Variants in SYTL2 observed in about 807,000 individuals in gnomAD.
The protein encoded by SYTL2 is synaptotagmin-like protein 2.
SYTL2 carries 165 observed loss-of-function variants against 198.7 expected under a neutral mutation model. The observed-to-expected ratio is 0.83, with a 90% confidence interval of 0.73 to 0.94. The LOEUF (loss-of-function observed/expected upper bound fraction) is 0.94. Ranked by LOEUF, SYTL2 falls within the 40% of genes least tolerant of loss-of-function variation. SYTL2 has a pLI of 0.00. For missense variants in SYTL2, 2,835 were observed against 2,582.8 expected (o/e 1.10, Z -2.12); for synonymous variants, 966 against 917.7 (o/e 1.05, Z -0.95).
intron 11 of SYTL2, among the ~76,000 whole-genome samples, chr11:85,715,429 G>C (rs770140879): frequency 1.3e-4 from 20 of 151,962 alleles, no homozygotes; most frequent in Admixed American, 3.9e-4. Flanking sequence ...ATATGATAAA[G>C]AATCTTAAAT....
At chr11:85,851,681 A>G in the SYTL2 span, among the ~76,000 whole-genome samples, 1 of 152,238 alleles carries the variant, frequency 6.6e-6, no homozygotes. Flanking sequence ...ATGATAGGTA[A>G]AAGTACATTT....
the SYTL2 span, among the ~76,000 whole-genome samples, chr11:85,849,210 G>A: frequency 4.6e-5 from 7 of 152,286 alleles, no homozygotes; most frequent in South Asian, 1.5e-3. Context: ...AGATGAGTAG[G>A]TTGTGAAAAT....
intron 1 of SYTL2, among the ~76,000 whole-genome samples, chr11:85,762,197 C>T (rs765774034): frequency 6.6e-6 from 1 of 152,190 alleles, no homozygotes; most frequent in African/African-American, 2.4e-5. Context: ...GACTCACCGA[C>T]CCAGACCCGG....
At chr11:85,730,126 A>G (rs1016700264) in intron 7 of SYTL2, among the ~76,000 whole-genome samples, 6 of 152,230 alleles carry the variant, frequency 3.9e-5, no homozygotes, top group Non-Finnish European at 8.8e-5. Flanking sequence ...AAAAAAGTCC[A>G]GGACCAGATG....
chr11:85,757,686 C>T lies in SYTL2; in HGVS notation c.40G>A (p.Ala14Thr). 6.2e-7 allele frequency: 1 copy of T among 1,613,618 alleles called. No homozygotes were observed. Among genetic ancestry groups the T allele is most frequent in the Non-Finnish European group, 8.5e-7 (1 of 1,179,876 alleles). The change falls in exon 2 of 20, where the codon GCC (alanine) becomes ACC (threonine). Residue 14 changes from alanine to threonine, a missense_variant. Ala to Thr is a moderately conservative substitution (Grantham distance 58). Around this residue, in one of 3 missense-constraint regions of SYTL2, gnomAD observed 2,645 missense variants for 2,381.7 expected, o/e 1.11. Transcript: ENST00000359152. ...LSFLTEEEQE[A>T]IMKVLQRDAA... ...TCCCGCTGCAAAACCTTCATGATGG[C>T]CTCTTGTTCCTCTTCAGTCAGGAAG...
chr11:85,842,244 C>A, the SYTL2 span, among the ~76,000 whole-genome samples: 1 of 152,220 alleles, frequency 6.6e-6, no homozygotes, highest in Non-Finnish European at 1.5e-5. Flanking sequence ...CAGGCAAACC[C>A]TTAGCTTCTT....
intron 1 of SYTL2, among the ~76,000 whole-genome samples, chr11:85,789,318 G>GTA (rs2092685711): frequency 9.0e-6 from 1 of 110,660 alleles, no homozygotes; most frequent in Non-Finnish European, 1.7e-5. Context: ...TATGATGTGT[G>GTA]TGTGTATGTG....
At chr11:85,811,228 GC>G (rs1417767970), upstream of SYTL2, 3 of 151,918 alleles carry the variant, frequency 2.0e-5, no homozygotes, top group Non-Finnish European at 4.4e-5. Context: ...GGGTGCTCGG[GC>G]CAATGGCGCT....
chr11:85,719,354 A>G (rs678376), intron 9 of SYTL2: 794,448 of 1,128,110 alleles, frequency 0.7, 282,729 homozygotes, highest in East Asian at 0.89. Context: ...AGTGGGTATC[A>G]GTATTTGGAA....
intron 1 of SYTL2, among the ~76,000 whole-genome samples, chr11:85,782,835 C>A (rs371307323): frequency 6.6e-6 from 1 of 152,246 alleles, no homozygotes; most frequent in East Asian, 1.9e-4. Context: ...CAGTTCCCAA[C>A]AAGTTCTTCA....
the SYTL2 span, among the ~76,000 whole-genome samples, chr11:85,818,474 G>C: frequency 1.4e-5 from 2 of 142,192 alleles, no homozygotes; most frequent in South Asian, 2.2e-4. Context: ...GACAACGTAA[G>C]TAAAAAGCCC....
chr11:85,829,121 G>T, the SYTL2 span, among the ~76,000 whole-genome samples: 1 of 151,878 alleles, frequency 6.6e-6, no homozygotes, highest in African/African-American at 2.4e-5. Context: ...TAAATGTGCA[G>T]GTTTGTTATG....
Position 85,748,369 on chromosome 11 carries a change from T to C in SYTL2, c.156A>G (p.Gln52=), listed in dbSNP as rs1357519021. ...DDQQLKNMSG[Q]WFYEAKAKRH... ...TTTTTGCCTTGGCTTCATAAAACCA[T>C]TGGCCACTCATATTCTTCAGCTGCT... Residue 52 remains glutamine, a synonymous_variant, in exon 3 of 20, where the codon CAA becomes CAG. Transcript: ENST00000359152. 2.5e-6 allele frequency: 4 copies of C among 1,614,052 alleles called. No individual in the cohort carries two copies. Among genetic ancestry groups the C allele is most frequent in the Admixed American group, 1.7e-5 (1 of 60,006 alleles).
chr11:85,738,779 A>C (rs534517767), intron 4 of SYTL2, among the ~76,000 whole-genome samples: 1 of 152,156 alleles, frequency 6.6e-6, no homozygotes, highest in South Asian at 2.1e-4. Context: ...AAGCAGTTAC[A>C]TAATCAGAAG....
the SYTL2 span, among the ~76,000 whole-genome samples, chr11:85,851,355 C>T: frequency 2.6e-5 from 4 of 152,286 alleles, no homozygotes; most frequent in African/African-American, 4.8e-5. Context: ...TGAACTGGTT[C>T]GCAAAGGCAG....
the SYTL2 span, among the ~76,000 whole-genome samples, chr11:85,830,507 C>T: frequency 1.3e-5 from 2 of 152,162 alleles, no homozygotes; most frequent in African/African-American, 2.4e-5. Flanking sequence ...TCCCCTTGTC[C>T]AACCTCTGAG....
intron 10 of SYTL2, 66 bp downstream of exon 10, chr11:85,718,724 G>A: frequency 6.7e-7 from 1 of 1,494,008 alleles, no homozygotes; most frequent in Non-Finnish European, 9.3e-7. Context: ...CTGCGTCCCG[G>A]AGACTGCCCA....
chr11:85,836,750 T>C, the SYTL2 span, among the ~76,000 whole-genome samples: 1 of 152,182 alleles, frequency 6.6e-6, no homozygotes, highest in Non-Finnish European at 1.5e-5. Flanking sequence ...TATATTTTAT[T>C]ACAAACTTTG....
the SYTL2 span, among the ~76,000 whole-genome samples, chr11:85,826,932 G>C: frequency 7.2e-5 from 11 of 152,208 alleles, no homozygotes; most frequent in Non-Finnish European, 1.3e-4. Context: ...AGGCTAGCAA[G>C]TCCCAGGACC....
Sources: allele counts gnomAD v4.1 joint callset (sites outside exome capture counted in the v4.1 genomes callset), GRCh38; gene constraint gnomAD v4.1.1; regional missense constraint gnomAD v4.1.1; transcripts MANE v1.5; gene names NCBI Gene and HGNC (gene_info 2026-07-23, HGNC 2026-07-21).